Variants in AGAP1 observed in about 807,000 individuals in gnomAD.
The protein encoded by AGAP1 is ArfGAP with GTPase domain, ankyrin repeat and PH domain 1.
A neutral mutation model predicts 105.3 loss-of-function variants in AGAP1; 29 were observed. The observed-to-expected ratio is 0.28, with a 90% CI of 0.21 to 0.38. AGAP1 has a LOEUF of 0.38. Ranked by LOEUF, AGAP1 falls within the 10% of genes least tolerant of loss-of-function variation. The pLI is 1.00. For synonymous variants in AGAP1, 509 were observed against 485.9 expected, an observed-to-expected ratio of 1.05 and a Z score of -0.63; for missense variants, 998 against 1,165.1, an observed-to-expected ratio of 0.86 and a Z score of 2.09.
rs890906820 is a variant in AGAP1, at chr2:236,105,088, C to T, written c.2115-15104C>T. On this transcript the variant is annotated intron_variant, in intron 16 of 17. Transcript: ENST00000304032. The surrounding 1 kb of genome is among the most constrained non-coding windows in gnomAD (Gnocchi z 4.2). Reference sequence around the variant, plus strand: ...ATAAAGCTGAGTTCCTTCTGTCTGTCTCGGTGAGAGAAGGCACGGCCCTCA... The same window carrying T: ...ATAAAGCTGAGTTCCTTCTGTCTGTTTCGGTGAGAGAAGGCACGGCCCTCA... Among the ~76,000 whole-genome samples the T allele has an allele frequency of 6.6e-6, 1 of 152,056 alleles. No individual in the cohort carries two copies. Among genetic ancestry groups the T allele is most frequent in the Non-Finnish European group, 1.5e-5 (1 of 68,018 alleles).
chr2:235,572,894 C>T (rs1944576781), intron 1 of AGAP1, among the ~76,000 whole-genome samples: 1 of 152,218 alleles, frequency 6.6e-6, no homozygotes, highest in South Asian at 2.1e-4. Context: ...GGCAAGCAGA[C>T]ATTCTGCCTG....
chr2:235,766,049 G>A (rs1284612572), intron 6 of AGAP1, among the ~76,000 whole-genome samples: 1 of 152,134 alleles, frequency 6.6e-6, no homozygotes, highest in Non-Finnish European at 1.5e-5. Flanking sequence ...TGTATCTTTT[G>A]GCTGCACAGT....
intron 9 of AGAP1, among the ~76,000 whole-genome samples, chr2:235,873,595 T>C (rs1214900448): frequency 6.6e-6 from 1 of 152,214 alleles, no homozygotes; most frequent in African/African-American, 2.4e-5. Context: ...GAGTCCGGGC[T>C]TTCCCAGGAT....
intron 6 of AGAP1, among the ~76,000 whole-genome samples, chr2:235,759,031 C>T (rs1361309364): frequency 1.3e-5 from 2 of 152,066 alleles, no homozygotes; most frequent in South Asian, 2.1e-4. Flanking sequence ...GAGCTCAAAG[C>T]GATCCGACCG....
chr2:235,908,876 A>T lies in AGAP1; in HGVS notation c.1294A>T (p.Met432Leu). Residue 432 changes from methionine to leucine, a missense_variant, in exon 11 of 18, where the codon ATG (methionine) becomes TTG (leucine). Physicochemically the swap from Met to Leu is conservative, Grantham distance 15. This residue lies in a region of AGAP1 where 735 missense variants were observed against 833.4 expected (regional missense o/e 0.88). Coordinates refer to ENST00000304032, the MANE Select transcript of AGAP1 (RefSeq NM_001037131.3). This position sits in a 1 kb window ranked among gnomAD's most constrained non-coding sequence, Gnocchi z 4.4. Reference protein sequence around the residue: ...SPKTNGLSKDMSSLHISPNSG... With the variant: ...SPKTNGLSKDLSSLHISPNSG... ...TAAAACCAATGGCCTATCCAAGGACATGAGCAGTTTACACATCTCACCCAA... is the reference window on the plus strand; with the variant it reads ...TAAAACCAATGGCCTATCCAAGGACTTGAGCAGTTTACACATCTCACCCAA... The T allele has an allele frequency of 6.2e-7, 1 of 1,614,054 alleles. No individual in the cohort carries two copies. Among genetic ancestry groups the T allele is most frequent in the Non-Finnish European group, 8.5e-7 (1 of 1,179,966 alleles).
At position 235,612,304 on chromosome 2, in the gene AGAP1, C is replaced by T. The variant is rs899011281; in HGVS notation, c.164-96875C>T. ...TGAATTGATTGCACCCCTCCTGTGG[C>T]GTGGAGGCGGTGCCTGGTTAAAGTG... is the stretch of plus-strand genomic sequence containing the variant. On this transcript the variant is annotated intron_variant, in intron 1 of 17. Transcript: ENST00000304032. This position sits in a 1 kb window ranked among gnomAD's most constrained non-coding sequence, Gnocchi z 4.3. Among the ~76,000 whole-genome samples the T allele has an allele frequency of 1.3e-4, 20 of 152,086 alleles. No individual in the cohort carries two copies. The highest frequency in any genetic ancestry group is 5.2e-4 in the Admixed American group (8 of 15,262).
At position 236,055,840 on chromosome 2, in the gene AGAP1, C is replaced by G. The variant is rs924440698; in HGVS notation, c.2114+6559C>G. On this transcript the variant is annotated intron_variant, in intron 16 of 17. Coordinates refer to ENST00000304032, the MANE Select transcript of AGAP1 (RefSeq NM_001037131.3). This position sits in a 1 kb window ranked among gnomAD's most constrained non-coding sequence, Gnocchi z 6.2. ...CAACTTGGAATCAGACTGAGAGAACCATAACTCACTTAGCCACCCTTCATG... is the reference window on the plus strand; with the variant it reads ...CAACTTGGAATCAGACTGAGAGAACGATAACTCACTTAGCCACCCTTCATG... 1.3e-5 allele frequency among the ~76,000 whole-genome samples: 2 copies of G among 152,214 alleles called. No homozygotes were observed. Among genetic ancestry groups the G allele is most frequent in the Non-Finnish European group, 2.9e-5 (2 of 68,048 alleles).
chr2:235,989,940 T>C lies in AGAP1; in HGVS notation c.1645+21317T>C, dbSNP rs1044897608. On this transcript the variant is annotated intron_variant, in intron 13 of 17. Coordinates refer to ENST00000304032, the MANE Select transcript of AGAP1 (RefSeq NM_001037131.3). This position sits in a 1 kb window ranked among gnomAD's most constrained non-coding sequence, Gnocchi z 4.4. The stretch of plus-strand genomic sequence containing the variant: ...ATCTGGACAGTTTAGATCATTCAAA[T>C]GCGTAGCCGGGGTTGGGAACCAGTG... Among the ~76,000 whole-genome samples, 1 of 152,032 alleles carries C rather than the reference T, an allele frequency of 6.6e-6. No individual in the cohort carries two copies. The highest frequency in any genetic ancestry group is 2.4e-5 in the African/African-American group (1 of 41,378).
chr2:236,102,839 C>T (rs1297559596), intron 16 of AGAP1, among the ~76,000 whole-genome samples: 2 of 152,106 alleles, frequency 1.3e-5, no homozygotes, highest in Non-Finnish European at 2.9e-5. Context: ...AAAAATATGT[C>T]CGGCTGCTTC....
chr2:235,837,080 G>C (rs528534570), intron 9 of AGAP1, among the ~76,000 whole-genome samples: 1 of 152,272 alleles, frequency 6.6e-6, no homozygotes, highest in South Asian at 2.1e-4. Context: ...CCGCCTCCGG[G>C]GTTCAAGAGA....
intron 1 of AGAP1, among the ~76,000 whole-genome samples, chr2:235,516,900 G>T (rs1291068974): frequency 6.6e-6 from 1 of 152,224 alleles, no homozygotes; most frequent in Non-Finnish European, 1.5e-5. Flanking sequence ...CAGCCATGCA[G>T]ATGTTATTGA....
Position 235,959,915 on chromosome 2 carries a change from A to G in AGAP1, c.1484-8547A>G, listed in dbSNP as rs73130475. Among the ~76,000 whole-genome samples the G allele has an allele frequency of 0.063, 9,619 of 152,148 alleles. 997 individuals carry two copies. Among genetic ancestry groups the G allele is most frequent in the African/African-American group, 0.22 (9,155 of 41,492 alleles). ...GTGCCTCCCTTTTGGGCCACCGTAG[A>G]CACCCCACCTCTGAGTGGTCAGGCG... On this transcript the variant is annotated intron_variant, in intron 12 of 17. Transcript: ENST00000304032. The surrounding 1 kb of genome is among the most constrained non-coding windows in gnomAD (Gnocchi z 7.3).
intron 13 of AGAP1, among the ~76,000 whole-genome samples, chr2:236,006,182 T>C (rs1351757303): frequency 6.6e-6 from 1 of 152,144 alleles, no homozygotes; most frequent in Non-Finnish European, 1.5e-5. Flanking sequence ...TCCTGGGGGC[T>C]CCTCTGGCTG....
At chr2:235,630,115 C>T (rs765975519) in intron 1 of AGAP1, among the ~76,000 whole-genome samples, 4 of 152,066 alleles carry the variant, frequency 2.6e-5, no homozygotes, top group South Asian at 2.1e-4. Flanking sequence ...GATTTTGTGC[C>T]AAATTAAACA....
At chr2:235,525,336 T>C (rs563900613) in intron 1 of AGAP1, among the ~76,000 whole-genome samples, 4 of 150,738 alleles carry the variant, frequency 2.7e-5, no homozygotes, top group Non-Finnish European at 5.9e-5. Context: ...GGAGGACTAA[T>C]ACATAATGTG....
At chr2:235,565,610 C>A (rs547428539) in intron 1 of AGAP1, among the ~76,000 whole-genome samples, 6 of 152,166 alleles carry the variant, frequency 3.9e-5, no homozygotes, top group Non-Finnish European at 7.3e-5. Context: ...TCTTAAAAGA[C>A]CTGCTATAAA....
At chr2:235,831,884 CCAAA>C (rs1213748404) in intron 9 of AGAP1, among the ~76,000 whole-genome samples, 5 of 152,216 alleles carry the variant, frequency 3.3e-5, no homozygotes, top group Non-Finnish European at 7.3e-5. Flanking sequence ...CAGGAAACTG[CCAAA>C]CAGTCTTCCA....
In AGAP1 at chr2:235,790,666, G is replaced by C. The variant is rs191763801; in HGVS notation, c.674-7093G>C. ...CTTAGAAATGCATTTCTAGTTGCCT[G>C]TTTCAGCATCTTCTCCCACTACCTT... On this transcript the variant is annotated intron_variant, in intron 6 of 17. Coordinates refer to ENST00000304032, the MANE Select transcript of AGAP1 (RefSeq NM_001037131.3). 2.6e-5 allele frequency among the ~76,000 whole-genome samples: 4 copies of C among 152,298 alleles called. No homozygotes were observed. In the East Asian group the frequency reaches 7.7e-4, roughly 29 times the overall value.
chr2:236,095,299 A>G lies in AGAP1; in HGVS notation c.2115-24893A>G, dbSNP rs2125884959. 6.6e-6 allele frequency among the ~76,000 whole-genome samples: 1 copy of G among 152,260 alleles called. No homozygotes were observed. Among genetic ancestry groups the G allele is most frequent in the African/African-American group, 2.4e-5 (1 of 41,560 alleles). ...GTGGTCCCAGCTACTCGGGAGGCTG[A>G]GGTGGGAGGATCACTGGAGCCCAGG... On this transcript the variant is annotated intron_variant, in intron 16 of 17. Coordinates refer to ENST00000304032, the MANE Select transcript of AGAP1 (RefSeq NM_001037131.3). The surrounding 1 kb of genome is among the most constrained non-coding windows in gnomAD (Gnocchi z 4.1).
Sources: gnomAD v4.1 joint callset for allele counts (sites outside exome capture counted in the v4.1 genomes callset) on GRCh38, gnomAD v4.1.1 for gene constraint, gnomAD v4.1.1 regional missense constraint, Gnocchi (gnomAD v3.1) non-coding constraint, MANE v1.5 for transcripts, NCBI Gene and HGNC (gene_info 2026-07-23, HGNC 2026-07-21) for gene names.